The following ACSM3 variants were observed in gnomAD, a reference collection of about 807,000 sequenced individuals.
ACSM3 encodes the protein acyl-coenzyme A synthetase ACSM3, mitochondrial.
A neutral mutation model predicts 74.1 loss-of-function variants in ACSM3; 61 were observed. The ratio of observed to expected loss-of-function variants is 0.82; its 90% CI spans 0.67 to 1.02. The LOEUF is 1.02. Among genes scored for constraint, ACSM3 ranks in the 50% least tolerant of loss-of-function variants. The pLI, the probability that ACSM3 is intolerant of heterozygous loss-of-function variation, is 0.00. For missense variants in ACSM3, 660 were observed against 697.0 expected, an observed-to-expected ratio of 0.95 and a Z score of 0.60; for synonymous variants, 213 against 241.5, an observed-to-expected ratio of 0.88 and a Z score of 1.09.
Position 20,775,897 on chromosome 16 carries a change from T to C in ACSM3, c.278T>C (p.Met93Thr). ...TGGATCAACAGAAATGGAGAAGAGA[T>C]GCGATGGAGTTTTGAGGAACTGGGA... ...FWWINRNGEE[M>T]RWSFEELGSL... The change falls in exon 3 of 14, where the codon ATG (methionine) becomes ACG (threonine). Residue 93 changes from methionine (M) to threonine (T), a missense_variant. Met to Thr is a moderately conservative substitution (Grantham distance 81, BLOSUM62 -1). Coordinates refer to ENST00000289416, the MANE Select transcript of ACSM3 (RefSeq NM_005622.4). 6.2e-7 allele frequency: 1 copy of C among 1,614,162 alleles called. No homozygotes were observed. The highest frequency in any genetic ancestry group is 8.5e-7 in the Non-Finnish European group (1 of 1,180,018).
At chr16:20,741,469 G>T in intron 1 of ACSM3, 3 of 1,452,466 alleles carry the variant, frequency 2.1e-6, no homozygotes, top group Admixed American at 2.5e-5. Flanking sequence ...CTCCCGCAAG[G>T]CCTGGCAGCC....
At chr16:20,756,369 T>G (rs976218121) in intron 3 of ACSM3, among the ~76,000 whole-genome samples, 31 of 152,164 alleles carry the variant, frequency 2.0e-4, no homozygotes, top group Non-Finnish European at 3.7e-4. Context: ...TTGATTTGCA[T>G]TTCTCTGATG....
chr16:20,734,930 T>C (rs911728089), intron 1 of ACSM3: 1 of 152,230 alleles, frequency 6.6e-6, no homozygotes, highest in African/African-American at 2.4e-5. Context: ...TATATACTAG[T>C]GCTGGGAAAA....
At chr16:20,687,140 A>T (rs1206515961) in intron 1 of ACSM3, among the ~76,000 whole-genome samples, 3 of 152,096 alleles carry the variant, frequency 2.0e-5, no homozygotes, top group African/African-American at 7.2e-5. Context: ...TTGCGGAGGG[A>T]CTGGCTTCTG....
chr16:20,675,192 TAA>T (rs2020197787), intron 1 of ACSM3, among the ~76,000 whole-genome samples: 1 of 152,074 alleles, frequency 6.6e-6, no homozygotes, highest in Non-Finnish European at 1.5e-5. Flanking sequence ...TGTGGGAATC[TAA>T]CTAGGCTCAC....
intron 1 of ACSM3, among the ~76,000 whole-genome samples, chr16:20,769,505 T>G (rs2080165577): frequency 6.6e-6 from 1 of 152,264 alleles, no homozygotes; most frequent in South Asian, 2.1e-4. Flanking sequence ...ACTCTCGATT[T>G]CTTCATCTAC....
intron 1 of ACSM3, chr16:20,681,257 A>T (rs2079440852): frequency 6.6e-6 from 1 of 152,224 alleles, no homozygotes; most frequent in African/African-American, 2.4e-5. Flanking sequence ...TATATATTGA[A>T]ATAGATTGGC....
At chr16:20,683,427 C>G (rs2079486169) in intron 1 of ACSM3, among the ~76,000 whole-genome samples, 1 of 151,186 alleles carries the variant, frequency 6.6e-6, no homozygotes, top group Non-Finnish European at 1.5e-5. Context: ...CATGCCTGGC[C>G]TCCCTACATT....
intron 1 of ACSM3, among the ~76,000 whole-genome samples, chr16:20,702,446 T>C (rs2079715298): frequency 6.6e-6 from 1 of 152,242 alleles, no homozygotes; most frequent in African/African-American, 2.4e-5. Flanking sequence ...ACTCCTGACC[T>C]CGTGATCTGC....
At chr16:20,743,257 C>T (rs1239398245) in intron 1 of ACSM3, among the ~76,000 whole-genome samples, 2 of 151,862 alleles carry the variant, frequency 1.3e-5, no homozygotes, top group Non-Finnish European at 2.9e-5. Context: ...CTTGTTTTTT[C>T]CCCTCGCGCA....
At chr16:20,741,432 C>G (rs2079920314) in intron 1 of ACSM3, 1 of 1,450,190 alleles carries the variant, frequency 6.9e-7, no homozygotes, top group African/African-American at 1.4e-5. Flanking sequence ...ATGCCCATAC[C>G]AGCAGCCATC....
rs186042688 is a variant in ACSM3 at position 20,742,248 on chromosome 16, C to A, written c.-189-7662C>A. 7.3e-5 allele frequency among the ~76,000 whole-genome samples: 9 copies of A among 123,670 alleles called. No homozygotes were observed. The South Asian group carries it at 1.0e-3, about 14-fold the overall frequency. 81.1% of individuals were successfully genotyped at this position (123,670 alleles called of 152,430 possible). Reference sequence around the variant, plus strand: ...TGTTACAGATAACTCTGTACCTGTACTTGAGTTATTGAAAAACAGACAATC... The same window carrying A: ...TGTTACAGATAACTCTGTACCTGTAATTGAGTTATTGAAAAACAGACAATC... On this transcript the variant is annotated intron_variant, in intron 1 of 3. Coordinates refer to the ACSM3 transcript ENST00000561584.
chr16:20,721,524 C>G (rs1288212953), intron 1 of ACSM3: 1 of 152,132 alleles, frequency 6.6e-6, no homozygotes, highest in Non-Finnish European at 1.5e-5. Context: ...AAAACTCCTG[C>G]TACAACTGTA....
rs147005302 is a variant in ACSM3, at chr16:20,781,913, C to T, written c.1019+126C>T. 4.0e-4 allele frequency: 273 copies of T among 676,540 alleles called. 1 individual carries two copies. The African/African-American group carries it at 4.6e-3, about 11-fold the overall frequency. The allele number at this position is 676,540 out of a possible 1,614,324, so 41.9% of individuals were successfully genotyped here. A position where few individuals can be genotyped will look rare whatever the true frequency, so the allele number is the denominator to read the frequency against. ...GACACAGGATTTAGCAATCTCTCCT[C>T]TTCCTCTTTCTCCTTCTTGCCTGCA... On this transcript the variant is annotated intron_variant, in intron 7 of 13. Coordinates refer to ENST00000289416, the MANE Select transcript of ACSM3 (RefSeq NM_005622.4).
chr16:20,753,874 A>G (rs1567338133), intron 2 of ACSM3, among the ~76,000 whole-genome samples: 1 of 149,940 alleles, frequency 6.7e-6, no homozygotes, highest in Non-Finnish European at 1.5e-5. Context: ...AGAGAAAGAA[A>G]AGAGAGAGAG....
intron 1 of ACSM3, chr16:20,737,373 TAAAAC>T: frequency 1.5e-6 from 2 of 1,364,822 alleles, no homozygotes; most frequent in Non-Finnish European, 2.0e-6. Flanking sequence ...TGTTTCTTGT[TAAAAC>T]AAGACATACA....
At chr16:20,721,835 A>G (rs1026536312) in intron 1 of ACSM3, 7 of 152,218 alleles carry the variant, frequency 4.6e-5, no homozygotes, top group Non-Finnish European at 1.0e-4. Flanking sequence ...TAGGAAAGAT[A>G]TAATTCCTAC....
intron 1 of ACSM3, chr16:20,682,074 T>G: frequency 1.7e-6 from 1 of 581,592 alleles, no homozygotes; most frequent in Non-Finnish European, 3.0e-6. Flanking sequence ...TCTCACCCCA[T>G]GAAATGCTTA....
chr16:20,750,844 GT>G (rs59655300), intron 2 of ACSM3, among the ~76,000 whole-genome samples: 112 of 115,374 alleles, frequency 9.7e-4, no homozygotes, highest in Admixed American at 2.0e-3. Context: ...TTGGAGTCAG[GT>G]TTTTTTTTTT....
Sources: gnomAD v4.1 joint callset for allele counts (sites outside exome capture counted in the v4.1 genomes callset) on GRCh38, gnomAD v4.1.1 for gene constraint, MANE v1.5 for transcripts, NCBI Gene and HGNC (gene_info 2026-07-23, HGNC 2026-07-21) for gene names.